The following CNTNAP2 variants were observed in gnomAD, a reference collection of about 807,000 sequenced individuals.
The protein encoded by CNTNAP2 is contactin associated protein 2, also known as contactin-associated protein-like 2.
A neutral mutation model predicts 155.2 loss-of-function variants in CNTNAP2; 98 were observed. That is an observed-to-expected ratio of 0.63 (90% CI 0.54 to 0.75). The LOEUF is 0.75. Among genes scored for constraint, CNTNAP2 ranks in the 30% least tolerant of loss-of-function variants. CNTNAP2 has a pLI of 0.00. For missense variants in CNTNAP2, 1,727 were observed against 1,688.1 expected (o/e 1.02, Z -0.40); for synonymous variants, 651 against 631.2 (o/e 1.03, Z -0.47).
At chr7:147,485,908 A>G (rs761989376) in intron 10 of CNTNAP2, 27 bp from the exon 11 acceptor site, 1 of 1,609,370 alleles carries the variant, frequency 6.2e-7, no homozygotes, top group Non-Finnish European at 8.5e-7. Context: ...TTGTTGGTTT[A>G]TTTCTGTTTG....
At chr7:146,340,211 A>G (rs1206651377) in intron 1 of CNTNAP2, among the ~76,000 whole-genome samples, 4 of 147,456 alleles carry the variant, frequency 2.7e-5, no homozygotes, top group Admixed American at 2.7e-4. Flanking sequence ...AGGGTTGAAG[A>G]GAGAAATGAA....
At chr7:146,622,265 ATCTATC>A (rs1287848211) in intron 1 of CNTNAP2, among the ~76,000 whole-genome samples, 3 of 146,820 alleles carry the variant, frequency 2.0e-5, no homozygotes, top group African/African-American at 7.8e-5. Flanking sequence ...CTATCTATCT[ATCTATC>A]TATCTATCTA....
At chr7:146,256,949 C>T (rs1399773091) in intron 1 of CNTNAP2, among the ~76,000 whole-genome samples, 2 of 152,194 alleles carry the variant, frequency 1.3e-5, no homozygotes, top group Non-Finnish European at 2.9e-5. Flanking sequence ...CTAGAAATGG[C>T]ATCCATAGGA....
intron 1 of CNTNAP2, among the ~76,000 whole-genome samples, chr7:146,607,938 C>T (rs1439621765): frequency 1.3e-5 from 2 of 152,142 alleles, no homozygotes; most frequent in Non-Finnish European, 2.9e-5. Flanking sequence ...CCTTTACTTG[C>T]TTTAATGGTA....
chr7:146,792,808 G>C (rs1802697576), intron 2 of CNTNAP2, among the ~76,000 whole-genome samples: 1 of 152,150 alleles, frequency 6.6e-6, no homozygotes, highest in African/African-American at 2.4e-5. Flanking sequence ...AAAGAAAATA[G>C]ATACTTGTCT....
At chr7:146,814,919 C>A (rs1264688392) in intron 2 of CNTNAP2, among the ~76,000 whole-genome samples, 1 of 151,936 alleles carries the variant, frequency 6.6e-6, no homozygotes, top group Non-Finnish European at 1.5e-5. Flanking sequence ...TGTAACATTT[C>A]CTGAGATTTA....
At chr7:146,752,355 T>C (rs1801920223) in intron 1 of CNTNAP2, among the ~76,000 whole-genome samples, 2 of 152,222 alleles carry the variant, frequency 1.3e-5, no homozygotes, top group East Asian at 3.8e-4. Flanking sequence ...GTGGTTTTGA[T>C]TTGCATTTCT....
chr7:146,535,674 G>A (rs775128095), intron 1 of CNTNAP2, among the ~76,000 whole-genome samples: 3 of 151,112 alleles, frequency 2.0e-5, no homozygotes, highest in African/African-American at 7.3e-5. Flanking sequence ...AGAGTATATC[G>A]TGTGATGCTG....
At chr7:147,949,458 A>ATATATATATATATATATATATATATT (rs1433579404) in intron 14 of CNTNAP2, among the ~76,000 whole-genome samples, 29 of 137,366 alleles carry the variant, frequency 2.1e-4, no homozygotes, top group Admixed American at 4.3e-4. Context: ...ATATATATAT[A>ATATATATATATATATATATATATATT]TTTTTTTTTT....
chr7:146,200,580 CTA>C (rs1449560237), intron 1 of CNTNAP2, among the ~76,000 whole-genome samples: 4 of 151,816 alleles, frequency 2.6e-5, no homozygotes, highest in Non-Finnish European at 5.9e-5. Flanking sequence ...TCCTTTGTTT[CTA>C]TGTTTTTAGA....
At chr7:147,856,624 T>C (rs1000328077) in intron 13 of CNTNAP2, among the ~76,000 whole-genome samples, 4 of 128,076 alleles carry the variant, frequency 3.1e-5, no homozygotes, top group Non-Finnish European at 5.1e-5. Flanking sequence ...TTAGAATTAG[T>C]TTGGCTTTTT....
intron 13 of CNTNAP2, among the ~76,000 whole-genome samples, chr7:147,896,681 C>A (rs1191517025): frequency 1.3e-5 from 2 of 152,080 alleles, no homozygotes; most frequent in African/African-American, 2.4e-5. Flanking sequence ...GCAGGGTCTG[C>A]AGAATATCTC....
chr7:147,189,111 T>C (rs1349140169), intron 8 of CNTNAP2, among the ~76,000 whole-genome samples: 2 of 152,194 alleles, frequency 1.3e-5, no homozygotes, highest in East Asian at 1.9e-4. Context: ...TTAAATTCTT[T>C]TACTATTACA....
chr7:147,644,777 C>T (rs1042549222), intron 13 of CNTNAP2, among the ~76,000 whole-genome samples: 13 of 152,044 alleles, frequency 8.6e-5, no homozygotes, highest in Non-Finnish European at 1.6e-4. Context: ...TATTATGCTG[C>T]CATTAAAATG....
intron 10 of CNTNAP2, among the ~76,000 whole-genome samples, chr7:147,448,176 C>T (rs1481622799): frequency 2.0e-5 from 3 of 151,916 alleles, no homozygotes; most frequent in Non-Finnish European, 4.4e-5. Context: ...TTATATTTTC[C>T]TCATCTTCCC....
intron 3 of CNTNAP2, among the ~76,000 whole-genome samples, chr7:147,001,181 G>A (rs1798414898): frequency 6.6e-6 from 1 of 151,960 alleles, no homozygotes; most frequent in African/African-American, 2.4e-5. Context: ...TCTAATTATT[G>A]TGCTATGACA....
rs190351707 is a variant in CNTNAP2 at position 146,429,772 on chromosome 7, G to A, written c.97+312799G>A. 2.6e-5 allele frequency among the ~76,000 whole-genome samples: 4 copies of A among 152,228 alleles called. No homozygotes were observed. In the East Asian group the frequency reaches 5.8e-4, roughly 22 times the overall value. ...GAACTTCCAATGCTATGTTGAATAG[G>A]AGTGGTGAGAGAGGGCATCCTTGTT... On this transcript the variant is annotated intron_variant, in intron 1 of 23. Transcript: ENST00000361727.
At chr7:147,068,422 A>T (rs971479646) in intron 4 of CNTNAP2, among the ~76,000 whole-genome samples, 3 of 152,130 alleles carry the variant, frequency 2.0e-5, no homozygotes, top group Non-Finnish European at 4.4e-5. Context: ...CAGTGACTCA[A>T]TCTCAGCTCA....
chr7:146,467,166 G>A (rs530749713), intron 1 of CNTNAP2, among the ~76,000 whole-genome samples: 11 of 152,134 alleles, frequency 7.2e-5, no homozygotes, highest in East Asian at 5.8e-4. Flanking sequence ...GAAAATTAGC[G>A]TGTTAATTTT....
Sources: allele counts gnomAD v4.1 joint callset (sites outside exome capture counted in the v4.1 genomes callset), GRCh38; gene constraint gnomAD v4.1.1; transcripts MANE v1.5; gene names NCBI Gene and HGNC (gene_info 2026-07-23, HGNC 2026-07-21).